GABRB1: variants seen among roughly 807,000 people sequenced by gnomAD.
GABRB1 encodes gamma-aminobutyric acid receptor subunit beta-1.
GABRB1 carries 17 observed loss-of-function variants against 51.6 expected under a neutral mutation model. The observed-to-expected ratio is 0.33, with a 90% confidence interval of 0.23 to 0.49. GABRB1 has a LOEUF of 0.49. GABRB1 is among the 20% of genes least tolerant of loss of function. The pLI, the probability that GABRB1 is intolerant of heterozygous loss-of-function variation, is 0.99. For synonymous variants in GABRB1, 247 were observed against 218.9 expected (o/e 1.13, Z -1.14); for missense variants, 410 against 600.6 (o/e 0.68, Z 3.32).
At chr4:47,240,564 T>A (rs898379122) in intron 4 of GABRB1, among the ~76,000 whole-genome samples, 27 of 152,210 alleles carry the variant, frequency 1.8e-4, no homozygotes, top group African/African-American at 5.8e-4. Context: ...AATTACCCTC[T>A]TCCTTTTAAT....
Position 47,291,869 on chromosome 4 carries a change from G to T in GABRB1, c.462-28258G>T, listed in dbSNP as rs149027331. The stretch of plus-strand genomic sequence containing the variant: ...TAACTAACCTGCTTTTGATTTTACA[G>T]GCTCATAGGTGGAAGGGACTTGCCT... On this transcript the variant is annotated intron_variant, in intron 4 of 8. Coordinates refer to ENST00000295454, the MANE Select transcript of GABRB1 (RefSeq NM_000812.4). 1.0e-2 allele frequency among the ~76,000 whole-genome samples: 1,516 copies of T among 152,268 alleles called. 30 individuals carry two copies. The highest frequency in any genetic ancestry group is 0.035 in the African/African-American group (1,469 of 41,554).
chr4:47,197,455 T>C (rs1172031342), intron 4 of GABRB1, among the ~76,000 whole-genome samples: 1 of 152,160 alleles, frequency 6.6e-6, no homozygotes, highest in African/African-American at 2.4e-5. Flanking sequence ...GAGTGGCTCA[T>C]TAGAAGTGTT....
At chr4:47,360,606 C>A (rs538362561) in intron 5 of GABRB1, among the ~76,000 whole-genome samples, 1 of 152,132 alleles carries the variant, frequency 6.6e-6, no homozygotes, top group South Asian at 2.1e-4. Flanking sequence ...TTCTATGGAG[C>A]AAATCATAAT....
chr4:47,303,448 T>A (rs566951169), intron 4 of GABRB1, among the ~76,000 whole-genome samples: 53 of 151,562 alleles, frequency 3.5e-4, no homozygotes, highest in African/African-American at 1.3e-3. Context: ...ACATAGGAAA[T>A]AATATCAAGT....
chr4:47,319,550 G>C lies in GABRB1; in HGVS notation c.462-577G>C, dbSNP rs151238197. Among the ~76,000 whole-genome samples the C allele has an allele frequency of 2.2e-4, 33 of 152,184 alleles. No homozygotes were observed. The East Asian group carries it at 6.4e-3, about 29-fold the overall frequency. On this transcript the variant is annotated intron_variant, in intron 4 of 8. Transcript: ENST00000295454. ...CCAGTAATAAATCCCACTGGGTCATGGTGTATATTGTTTTGACATGCTGTT... is the reference window on the plus strand; with the variant it reads ...CCAGTAATAAATCCCACTGGGTCATCGTGTATATTGTTTTGACATGCTGTT...
At chr4:47,406,612 G>A (rs1011717950) in intron 7 of GABRB1, 70 bp from the exon 8 acceptor site, 2 of 1,590,766 alleles carry the variant, frequency 1.3e-6, no homozygotes, top group African/African-American at 1.3e-5. Context: ...AATGGCATCT[G>A]TCCTCTCAAT....
chr4:47,040,561 C>T (rs1442931633), intron 3 of GABRB1, among the ~76,000 whole-genome samples: 2 of 152,064 alleles, frequency 1.3e-5, no homozygotes, highest in Admixed American at 6.6e-5. Context: ...GAGCACCACA[C>T]CATCTCTTTC....
chr4:47,354,709 T>C (rs1437758061), intron 5 of GABRB1, among the ~76,000 whole-genome samples: 1 of 152,162 alleles, frequency 6.6e-6, no homozygotes, highest in Non-Finnish European at 1.5e-5. Flanking sequence ...AGATAAACTC[T>C]TTAAGGTTTT....
Position 47,090,243 on chromosome 4 carries a change from T to C in GABRB1, c.240+57759T>C, listed in dbSNP as rs557280267. ...ATGACATGCTATTAATTGTATGAAA[T>C]AGAAAATGTCTAATGCAATCAATTG... On this transcript the variant is annotated intron_variant, in intron 3 of 8. Coordinates refer to ENST00000295454, the MANE Select transcript of GABRB1 (RefSeq NM_000812.4). 8.5e-5 allele frequency among the ~76,000 whole-genome samples: 13 copies of C among 152,374 alleles called. 1 individual carries two copies. The South Asian group carries it at 2.1e-3, about 24-fold the overall frequency.
chr4:47,361,976 CA>C (rs1351939999), intron 5 of GABRB1, among the ~76,000 whole-genome samples: 1 of 152,052 alleles, frequency 6.6e-6, no homozygotes, highest in Admixed American at 6.6e-5. Context: ...AAGCCAATGA[CA>C]TGGATAATTT....
At chr4:47,185,074 T>C (rs915494894) in intron 4 of GABRB1, among the ~76,000 whole-genome samples, 1 of 151,900 alleles carries the variant, frequency 6.6e-6, no homozygotes, top group Non-Finnish European at 1.5e-5. Context: ...TCTTTAATTT[T>C]ATTTACTTCT....
In GABRB1 at chr4:47,109,429, T is replaced by C. The variant is rs562214936; in HGVS notation, c.241-51820T>C. 2.6e-4 allele frequency among the ~76,000 whole-genome samples: 40 copies of C among 152,252 alleles called. No homozygotes were observed. In the East Asian group the frequency reaches 7.3e-3, roughly 28 times the overall value. On this transcript the variant is annotated intron_variant, in intron 3 of 8. Coordinates refer to ENST00000295454, the MANE Select transcript of GABRB1 (RefSeq NM_000812.4). The stretch of plus-strand genomic sequence containing the variant: ...CTTGCCATTCATATACTCACAATTT[T>C]ATGTGATTTTATACGAAATCCACAA...
chr4:47,270,535 A>C (rs1290750974), intron 4 of GABRB1, among the ~76,000 whole-genome samples: 1 of 152,198 alleles, frequency 6.6e-6, no homozygotes, highest in African/African-American at 2.4e-5. Flanking sequence ...GGAAACATTA[A>C]GAAAATTTGA....
intron 5 of GABRB1, among the ~76,000 whole-genome samples, chr4:47,399,320 G>A (rs1728301498): frequency 6.6e-6 from 1 of 152,030 alleles, no homozygotes; most frequent in African/African-American, 2.4e-5. Context: ...TTGCTAATAT[G>A]TTCTGCTTAC....
intron 3 of GABRB1, among the ~76,000 whole-genome samples, chr4:47,145,920 G>A (rs1158694243): frequency 6.6e-6 from 1 of 151,982 alleles, no homozygotes; most frequent in Non-Finnish European, 1.5e-5. Flanking sequence ...TGAAAAAAAT[G>A]CATCAGCACA....
At chr4:47,161,900 G>A (rs768184381) in intron 4 of GABRB1, among the ~76,000 whole-genome samples, 27 of 151,894 alleles carry the variant, frequency 1.8e-4, no homozygotes, top group Admixed American at 3.9e-4. Flanking sequence ...ATCCAATTAC[G>A]GGTCAAAATA....
intron 3 of GABRB1, 30 bp from the exon 4 acceptor site, chr4:47,161,217 CTT>C (rs77889271): frequency 7.0e-3 from 7,572 of 1,087,206 alleles, no homozygotes; most frequent in South Asian, 7.7e-3. Context: ...TAGTAAAATT[CTT>C]TTTTTTTTTT....
intron 4 of GABRB1, among the ~76,000 whole-genome samples, chr4:47,228,558 A>G (rs1560594524): frequency 1.3e-5 from 2 of 152,138 alleles, no homozygotes; most frequent in South Asian, 2.1e-4. Context: ...TATGGTTGAT[A>G]TGGTAGCACT....
At chr4:47,138,907 T>TA (rs1716793790) in intron 3 of GABRB1, among the ~76,000 whole-genome samples, 1 of 152,094 alleles carries the variant, frequency 6.6e-6, no homozygotes, top group Non-Finnish European at 1.5e-5. Flanking sequence ...GCCATTAAAA[T>TA]GTTTAAAGCC....
Sources: allele counts gnomAD v4.1 joint callset (sites outside exome capture counted in the v4.1 genomes callset), GRCh38; gene constraint gnomAD v4.1.1; transcripts MANE v1.5; gene names NCBI Gene and HGNC (gene_info 2026-07-23, HGNC 2026-07-21).